Variants in GNL3L observed in about 807,000 individuals in gnomAD.
The protein encoded by GNL3L is G protein nucleolar 3 like.
In GNL3L, 4 loss-of-function variants were observed where a neutral mutation model predicts 42.9. The ratio of observed to expected loss-of-function variants is 0.09; its 90% CI spans 0.05 to 0.21. GNL3L has a LOEUF of 0.21. Ranked by LOEUF, GNL3L falls within the 10% of genes least tolerant of loss-of-function variation. The pLI, the probability that GNL3L is intolerant of heterozygous loss-of-function variation, is 1.00. For synonymous variants in GNL3L, 159 were observed against 176.3 expected (o/e 0.90, Z 0.78); for missense variants, 412 against 481.7 (o/e 0.86, Z 1.36).
At chrX:54,612,491 G>A (rs1265825990) in intron 16 of GNL3L, among the ~76,000 whole-genome samples, 9 of 110,798 alleles carry the variant, frequency 8.1e-5, no homozygotes, top group Non-Finnish European at 1.7e-4. Context: ...TTTTGTTTTT[G>A]CTTTTTAACA....
At chrX:54,602,625 A>G (rs1241359174) in intron 16 of GNL3L, among the ~76,000 whole-genome samples, 1 of 111,773 alleles carries the variant, frequency 8.9e-6, no homozygotes, top group Non-Finnish European at 1.9e-5. Context: ...GTTATATTAC[A>G]TAAAACTCTT....
intron 16 of GNL3L, among the ~76,000 whole-genome samples, chrX:54,591,328 C>T (rs756820700): frequency 5.0e-4 from 55 of 110,352 alleles, no homozygotes; most frequent in Non-Finnish European, 6.1e-4. Flanking sequence ...CGCAGTGGCT[C>T]GCTCCTGTAA....
In GNL3L at chrX:54,562,812, T is replaced by C. The variant is rs1925311248; in HGVS notation, c.*2210T>C. Reference sequence around the variant, plus strand: ...CGTCTCGGAAAAAAAAAAAAAAAGTTGACAGGATGGCCAGACCCAAGTGGG... The same window carrying C: ...CGTCTCGGAAAAAAAAAAAAAAAGTCGACAGGATGGCCAGACCCAAGTGGG... On this transcript the variant is annotated 3_prime_UTR_variant, in exon 16 of 16. Coordinates refer to ENST00000360845, the MANE Select transcript of GNL3L (RefSeq NM_001184819.2). Among the ~76,000 whole-genome samples, 1 of 106,848 alleles carries C rather than the reference T, an allele frequency of 9.4e-6. No individual in the cohort carries two copies. The highest frequency in any genetic ancestry group is 1.9e-5 in the Non-Finnish European group (1 of 51,901). 92.8% of individuals were successfully genotyped at this position (106,848 alleles called of 115,157 possible). A position where few individuals can be genotyped will look rare whatever the true frequency, so the allele number is the denominator to read the frequency against.
At chrX:54,612,971 G>C (rs1422932248) in intron 16 of GNL3L, among the ~76,000 whole-genome samples, 1 of 111,613 alleles carries the variant, frequency 9.0e-6, no homozygotes, top group African/African-American at 3.3e-5. Flanking sequence ...TTGGATGTCT[G>C]GGTCTCTAGC....
chrX:54,556,589 A>G (rs1925103216), intron 14 of GNL3L, among the ~76,000 whole-genome samples: 1 of 111,144 alleles, frequency 9.0e-6, no homozygotes, highest in African/African-American at 3.3e-5. Flanking sequence ...CATGTCAGCC[A>G]GGCTGGTCTC....
chrX:54,559,176 A>T (rs1311976604), intron 15 of GNL3L, among the ~76,000 whole-genome samples: 2 of 111,771 alleles, frequency 1.8e-5, no homozygotes, highest in Non-Finnish European at 3.8e-5. Context: ...GGGGCCTGTT[A>T]GAATTTGTAT....
chrX:54,532,308 A>G (rs1296156397), intron 1 of GNL3L, among the ~76,000 whole-genome samples: 1 of 110,255 alleles, frequency 9.1e-6, no homozygotes, highest in Non-Finnish European at 1.9e-5. Context: ...GATGAGGTTG[A>G]GACCTATTCC....
rs915816007 is a variant in GNL3L, at chrX:54,560,553, T to C, written c.1700T>C (p.Met567Thr). Residue 567 changes from methionine to threonine, a missense_variant, in exon 16 of 16, where the codon ATG becomes ACG. Physicochemically the swap from Met to Thr is moderately conservative, Grantham distance 81. Coordinates refer to ENST00000360845, the MANE Select transcript of GNL3L (RefSeq NM_001184819.2). ...GCCAGCAAGCTGTCTGATTCCATGATGTCTGCTCTCGACCTCTCTGGCAAT... is the reference window on the plus strand; with the variant it reads ...GCCAGCAAGCTGTCTGATTCCATGACGTCTGCTCTCGACCTCTCTGGCAAT... ...KIASKLSDSM[M>T]SALDLSGNAD... 3 of 1,180,944 alleles carry C rather than the reference T, an allele frequency of 2.5e-6. No homozygotes were observed. The highest frequency in any genetic ancestry group is 3.0e-5 in the East Asian group (1 of 33,689).
chrX:54,595,675 C>T (rs373607898), intron 16 of GNL3L, among the ~76,000 whole-genome samples: 1 of 111,568 alleles, frequency 9.0e-6, no homozygotes, highest in African/African-American at 3.3e-5. Flanking sequence ...CTTAGATTTG[C>T]CCTTTTGAGG....
At chrX:54,644,024 A>C in the GNL3L span, among the ~76,000 whole-genome samples, 1 of 112,229 alleles carries the variant, frequency 8.9e-6, no homozygotes, top group Admixed American at 9.5e-5. Flanking sequence ...GTTGATGGAC[A>C]CTTAGGTTGA....
At position 54,565,824 on chromosome X, in the gene GNL3L, GTTTTTTTT is replaced by G. The variant is rs766645013; in HGVS notation, c.*5236_*5243del. Among the ~76,000 whole-genome samples, 1 of 67,888 alleles carries G rather than the reference GTTTTTTTT, an allele frequency of 1.5e-5. No individual in the cohort carries two copies. Among genetic ancestry groups the G allele is most frequent in the Admixed American group, 1.6e-4 (1 of 6,390 alleles). 59.0% of individuals were successfully genotyped at this position (67,888 alleles called of 115,157 possible). On this transcript the variant is annotated 3_prime_UTR_variant, in exon 16 of 16. Coordinates refer to ENST00000360845, the MANE Select transcript of GNL3L (RefSeq NM_001184819.2). ...AGGATTATATGCTGGATACAGGGGT[GTTTTTTTT>G]TTTTTTTTTTTTTGAAACAGAGTCC...
the GNL3L span, among the ~76,000 whole-genome samples, chrX:54,643,916 C>T: frequency 1.8e-5 from 2 of 111,976 alleles, no homozygotes; most frequent in East Asian, 5.6e-4. Flanking sequence ...AACATAATGT[C>T]ATGCATGTTG....
chrX:54,592,392 C>T (rs1925882378), intron 16 of GNL3L, among the ~76,000 whole-genome samples: 1 of 112,150 alleles, frequency 8.9e-6, no homozygotes, highest in African/African-American at 3.2e-5. Context: ...TGTTCCAGAT[C>T]TCGCAGGAAA....
intron 14 of GNL3L, among the ~76,000 whole-genome samples, chrX:54,555,199 A>G (rs1925053856): frequency 9.2e-6 from 1 of 108,631 alleles, no homozygotes; most frequent in Admixed American, 1.0e-4. Context: ...TTTTTAGTAG[A>G]GACAGGGTTT....
chrX:54,640,210 A>G, the GNL3L span, among the ~76,000 whole-genome samples: 1 of 111,947 alleles, frequency 8.9e-6, no homozygotes, highest in Non-Finnish European at 1.9e-5. Flanking sequence ...CCTGGTACAA[A>G]GAAGACACAT....
At chrX:54,532,270 G>C (rs887322850) in intron 1 of GNL3L, among the ~76,000 whole-genome samples, 1 of 109,436 alleles carries the variant, frequency 9.1e-6, no homozygotes, top group African/African-American at 3.3e-5. Context: ...TCAAAGCCCA[G>C]TGGCTTTGAG....
Position 54,546,989 on chromosome X carries a change from C to CT in GNL3L, c.631-1230dup, listed in dbSNP as rs1171208828. The stretch of plus-strand genomic sequence containing the variant: ...CAAAAATAGAAGCCGCCTTTTCTTT[C>CT]TTTTTTTTTTCTTTTTTTTTTTTTT... On this transcript the variant is annotated intron_variant, in intron 8 of 15. Transcript: ENST00000360845. Among the ~76,000 whole-genome samples, 551 of 100,892 alleles carry CT rather than the reference C, an allele frequency of 5.5e-3. 5 individuals are homozygous for CT. The highest frequency in any genetic ancestry group is 0.018 in the African/African-American group (493 of 27,704). The allele number at this position is 100,892 out of a possible 115,157, so 87.6% of individuals were successfully genotyped here.
At chrX:54,607,005 TTTC>T (rs1569542570) in intron 16 of GNL3L, among the ~76,000 whole-genome samples, 1 of 26,654 alleles carries the variant, frequency 3.8e-5, no homozygotes, top group East Asian at 1.2e-3. Context: ...CCTTTCTTTC[TTTC>T]TTTCTTTCTT....
intron 16 of GNL3L, among the ~76,000 whole-genome samples, chrX:54,607,567 A>C (rs1387848976): frequency 1.8e-5 from 2 of 110,918 alleles, no homozygotes; most frequent in East Asian, 5.7e-4. Context: ...TGGTAGGTGC[A>C]TGTCACAAGG....
Sources: gnomAD v4.1 joint callset for allele counts (sites outside exome capture counted in the v4.1 genomes callset) on GRCh38, gnomAD v4.1.1 for gene constraint, MANE v1.5 for transcripts, NCBI Gene and HGNC (gene_info 2026-07-23, HGNC 2026-07-21) for gene names.